Variants in MTARC1 observed in about 807,000 individuals in gnomAD.
The protein encoded by MTARC1 is mitochondrial amidoxime-reducing component 1.
In MTARC1, 24 loss-of-function variants were observed where a neutral mutation model predicts 33.6. That is an observed-to-expected ratio of 0.72 (90% confidence interval 0.52 to 1.01). The LOEUF is 1.01. Among genes scored for constraint, MTARC1 ranks in the 50% least tolerant of loss-of-function variants. MTARC1 has a pLI of 0.00. For synonymous variants in MTARC1, 187 were observed against 189.5 expected (o/e 0.99, Z 0.11); for missense variants, 417 against 445.7 (o/e 0.94, Z 0.58).
At position 220,817,624 on chromosome 1, in the gene MTARC1, C is replaced by G. The variant is rs1465499521; in HGVS notation, c.*4206C>G. 1 of 151,752 alleles carries G rather than the reference C, an allele frequency of 6.6e-6. No homozygotes were observed. Among genetic ancestry groups the G allele is most frequent in the Admixed American group, 6.6e-5 (1 of 15,176 alleles). The allele number at this position is 151,752 out of a possible 1,614,324, so 9.4% of individuals were successfully genotyped here. On this transcript the variant is annotated 3_prime_UTR_variant, in exon 7 of 7. Coordinates refer to ENST00000366910, the MANE Select transcript of MTARC1 (RefSeq NM_022746.4). ...TACAATCCTTTAGCTAGACACAGAA[C>G]ACTGACTGGTGCATTTATAATCCTC...
At chr1:220,788,909 G>GT (rs1246263204) in intron 1 of MTARC1, among the ~76,000 whole-genome samples, 2 of 152,154 alleles carry the variant, frequency 1.3e-5, no homozygotes, top group African/African-American at 4.8e-5. Context: ...TCAAAAAGCA[G>GT]TTTTTGAGCT....
In MTARC1 at chr1:220,805,964, A is replaced by G. The variant is rs567481177; in HGVS notation, c.887+690A>G. Among the ~76,000 whole-genome samples, 4 of 152,322 alleles carry G rather than the reference A, an allele frequency of 2.6e-5. No individual in the cohort carries two copies. In the South Asian group the frequency reaches 6.2e-4, roughly 24 times the overall value. On this transcript the variant is annotated intron_variant, in intron 6 of 6. Coordinates refer to ENST00000366910, the MANE Select transcript of MTARC1 (RefSeq NM_022746.4). ...TAGCACTATTTACTTTTTCATTTTTATTTGATTTTACTTTTTAAAAAACAT... is the reference window on the plus strand; with the variant it reads ...TAGCACTATTTACTTTTTCATTTTTGTTTGATTTTACTTTTTAAAAAACAT...
chr1:220,800,587 CTTT>C (rs112800294), intron 4 of MTARC1, among the ~76,000 whole-genome samples: 1 of 148,078 alleles, frequency 6.8e-6, no homozygotes, highest in East Asian at 2.0e-4. Flanking sequence ...TCTTTCTTTC[CTTT>C]TTTTTTTTTA....
intron 4 of MTARC1, chr1:220,799,179 G>T: frequency 7.1e-6 from 7 of 984,542 alleles, no homozygotes; most frequent in Non-Finnish European, 8.4e-6. Flanking sequence ...ATAAAAGTAC[G>T]CCCAAATCCA....
At chr1:220,798,502 C>T in intron 4 of MTARC1, 1 of 985,474 alleles carries the variant, frequency 1.0e-6, no homozygotes, top group Non-Finnish European at 1.2e-6. Flanking sequence ...TGCCACCTTC[C>T]ATCTGCCCTC....
chr1:220,787,304 G>T (rs12726400), intron 1 of MTARC1, 85 bp downstream of exon 1: 1 of 1,418,394 alleles, frequency 7.1e-7, no homozygotes, highest in South Asian at 1.5e-5. Flanking sequence ...GAGGTCTGCA[G>T]AGTCTGCTAA....
rs1243271107 is a variant in MTARC1, at chr1:220,798,982, G to T, written c.753+968G>T. 8.1e-6 allele frequency: 8 copies of T among 985,336 alleles called. 1 individual carries two copies. The South Asian group carries it at 3.3e-4, about 41-fold the overall frequency. The allele number at this position is 985,336 out of a possible 1,614,324, so 61.0% of individuals were successfully genotyped here. On this transcript the variant is annotated intron_variant, in intron 4 of 6. Transcript: ENST00000366910. ...CCACATTCAAACCAGAAGATGTGAC[G>T]GCTGGTTTCAGCTTCTGCACTGGCT...
intron 6 of MTARC1, among the ~76,000 whole-genome samples, chr1:220,812,862 C>A (rs573022962): frequency 1.3e-3 from 191 of 152,112 alleles, no homozygotes; most frequent in Non-Finnish European, 2.1e-3. Flanking sequence ...GTAGCTGGGA[C>A]TACAGGCACC....
intron 6 of MTARC1, among the ~76,000 whole-genome samples, chr1:220,806,028 A>G (rs1163274236): frequency 6.6e-6 from 1 of 152,246 alleles, no homozygotes; most frequent in Non-Finnish European, 1.5e-5. Flanking sequence ...GAAAGGATAT[A>G]AAACAAAATG....
rs953064111 is a variant in MTARC1, at chr1:220,818,066, A to C, written c.*4648A>C. 3 of 152,228 alleles carry C rather than the reference A, an allele frequency of 2.0e-5. No individual in the cohort carries two copies. The highest frequency in any genetic ancestry group is 7.2e-5 in the African/African-American group (3 of 41,452). 9.4% of individuals were successfully genotyped at this position (152,228 alleles called of 1,614,324 possible). A position where few individuals can be genotyped will look rare whatever the true frequency, so the allele number is the denominator to read the frequency against. On this transcript the variant is annotated 3_prime_UTR_variant, in exon 7 of 7. Coordinates refer to ENST00000366910, the MANE Select transcript of MTARC1 (RefSeq NM_022746.4). ...ACCACTTTCTCTGAATGGATGAATG[A>C]GTTATGATGATATCTAAAGTTACCC...
chr1:220,798,104 GGGTGC>G, intron 4 of MTARC1, 90 bp downstream of exon 4: 1 of 1,611,884 alleles, frequency 6.2e-7, no homozygotes, highest in East Asian at 2.2e-5. Context: ...TTATTCTGAA[GGGTGC>G]ATTATTTATC....
chr1:220,800,595 T>G (rs1048058418), intron 4 of MTARC1, among the ~76,000 whole-genome samples: 8 of 152,100 alleles, frequency 5.3e-5, no homozygotes, highest in Non-Finnish European at 1.0e-4. Context: ...TCCTTTTTTT[T>G]TTTTATTTAA....
At chr1:220,792,001 C>A (rs1484168704) in intron 2 of MTARC1, among the ~76,000 whole-genome samples, 1 of 152,114 alleles carries the variant, frequency 6.6e-6, no homozygotes, top group African/African-American at 2.4e-5. Flanking sequence ...GGCGAGTGTC[C>A]TAGCAGAGGT....
At chr1:220,787,840 A>G (rs1286512614) in intron 1 of MTARC1, among the ~76,000 whole-genome samples, 1 of 151,976 alleles carries the variant, frequency 6.6e-6, no homozygotes, top group Non-Finnish European at 1.5e-5. Context: ...AAACAAACAA[A>G]CAAACAAAAA....
Position 220,787,236 on chromosome 1 carries a change from G to T in MTARC1, c.275+17G>T. 1 of 1,549,332 alleles carries T rather than the reference G, an allele frequency of 6.5e-7. No homozygotes were observed. The highest frequency in any genetic ancestry group is 8.7e-7 in the Non-Finnish European group (1 of 1,149,382). ...GCGGGACAGGTACGGCCAAGCGCCG[G>T]CGCGGGGCAGCGCTGATCCGGCTCG... is the stretch of plus-strand genomic sequence containing the variant. On this transcript the variant is annotated intron_variant, in intron 1 of 6. Transcript: ENST00000366910.
chr1:220,797,987 A>T lies in MTARC1; in HGVS notation c.726A>T (p.Val242=), dbSNP rs1672675710. ...VKATNFRPNI[V]ISGCDVYAED... ...CAACCAACTTCAGGCCCAATATTGT[A>T]ATTTCAGGATGCGATGTCTATGCAG... Residue 242 remains valine (V), a synonymous_variant, in exon 4 of 7, where the codon GTA becomes GTT. Transcript: ENST00000366910. The T allele has an allele frequency of 6.2e-7, 1 of 1,614,036 alleles. No homozygotes were observed. Among genetic ancestry groups the T allele is most frequent in the Non-Finnish European group, 8.5e-7 (1 of 1,180,032 alleles).
intron 2 of MTARC1, among the ~76,000 whole-genome samples, chr1:220,792,682 T>A (rs1672465734): frequency 6.6e-6 from 1 of 151,338 alleles, no homozygotes; most frequent in African/African-American, 2.4e-5. Flanking sequence ...AAAAACTATC[T>A]GTGATAACTA....
chr1:220,818,546 C>T lies in MTARC1; in HGVS notation c.*5128C>T, dbSNP rs779134268. ...TACAGAGCATCCTAGACTGCTCTTC[C>T]TCTTACCTTCCTTGTGAAACCCACA... On this transcript the variant is annotated 3_prime_UTR_variant, in exon 7 of 7. Coordinates refer to ENST00000366910, the MANE Select transcript of MTARC1 (RefSeq NM_022746.4). 2.6e-5 allele frequency: 4 copies of T among 152,158 alleles called. No individual in the cohort carries two copies. The highest frequency in any genetic ancestry group is 5.9e-5 in the Non-Finnish European group (4 of 68,058). 9.4% of individuals were successfully genotyped at this position (152,158 alleles called of 1,614,324 possible).
Position 220,786,982 on chromosome 1 carries a change from T to C in MTARC1, c.38T>C (p.Val13Ala). 1.6e-6 allele frequency: 2 copies of C among 1,275,746 alleles called. No individual in the cohort carries two copies. The highest frequency in any genetic ancestry group is 3.0e-4 in the Middle Eastern group (1 of 3,310). The allele number at this position is 1,275,746 out of a possible 1,614,324, so 79.0% of individuals were successfully genotyped here. The change falls in exon 1 of 7, where the codon GTC (valine) becomes GCC (alanine). Residue 13 changes from valine to alanine, a missense_variant. Val to Ala is a moderately conservative substitution (Grantham distance 64, BLOSUM62 0). Coordinates refer to ENST00000366910, the MANE Select transcript of MTARC1 (RefSeq NM_022746.4). ...AAGSSALARF[V>A]LLAQSRPGWL... The stretch of plus-strand genomic sequence containing the variant: ...GGCTCCTCCGCGCTGGCGCGCTTTG[T>C]CCTCCTCGCGCAATCCCGGCCCGGG...
Sources: gnomAD v4.1 joint callset for allele counts (sites outside exome capture counted in the v4.1 genomes callset) on GRCh38, gnomAD v4.1.1 for gene constraint, MANE v1.5 for transcripts, NCBI Gene and HGNC (gene_info 2026-07-23, HGNC 2026-07-21) for gene names.